The following RSPH14 variants were observed in gnomAD, a reference collection of about 807,000 sequenced individuals.
The protein encoded by RSPH14 is radial spoke head 14 homolog, also known as rhabdoid tumor deletion region gene 1.
A neutral mutation model predicts 26.7 loss-of-function variants in RSPH14; 20 were observed. The ratio of observed to expected loss-of-function variants is 0.75; its 90% CI spans 0.53 to 1.09. RSPH14 has a LOEUF of 1.09. Ranked by LOEUF, RSPH14 falls within the 50% of genes least tolerant of loss-of-function variation. The pLI is 0.00. For synonymous variants in RSPH14, 177 were observed against 189.3 expected, an observed-to-expected ratio of 0.93 and a Z score of 0.53; for missense variants, 449 against 457.2, an observed-to-expected ratio of 0.98 and a Z score of 0.16.
intron 4 of RSPH14, among the ~76,000 whole-genome samples, chr22:23,114,614 C>G (rs2069766436): frequency 6.6e-6 from 1 of 152,250 alleles, no homozygotes; most frequent in Admixed American, 6.5e-5. Context: ...TCACTTGTGC[C>G]TGGGTGTGGG....
the RSPH14 span, chr22:23,152,526 G>A: frequency 6.2e-7 from 1 of 1,614,084 alleles, no homozygotes; most frequent in Non-Finnish European, 8.5e-7. Context: ...CTCATCCACA[G>A]GTACAAGGCT....
At chr22:23,152,867 C>T in the RSPH14 span, among the ~76,000 whole-genome samples, 3 of 152,224 alleles carry the variant, frequency 2.0e-5, no homozygotes, top group Non-Finnish European at 4.4e-5. Context: ...CTCCCTTTCC[C>T]CACATTGTCC....
chr22:23,159,279 G>C, the RSPH14 span: 1 of 1,556,690 alleles, frequency 6.4e-7, no homozygotes, highest in African/African-American at 1.4e-5. Context: ...CTGTCACCAT[G>C]GTGGGGCAGA....
chr22:23,114,684 C>T (rs2069769695), intron 4 of RSPH14, among the ~76,000 whole-genome samples: 2 of 152,234 alleles, frequency 1.3e-5, no homozygotes, highest in African/African-American at 4.8e-5. Flanking sequence ...GGGAAGTATG[C>T]TTACATATTC....
In RSPH14 at chr22:23,061,904, A is replaced by T. The variant is rs757677516; in HGVS notation, c.695T>A (p.Val232Asp). The T allele has an allele frequency of 6.2e-7, 1 of 1,614,174 alleles. No homozygotes were observed. Among genetic ancestry groups the T allele is most frequent in the South Asian group, 1.1e-5 (1 of 91,082 alleles). ...EGKKQVCHFD[V>D]IPILVHLLKD... Reference sequence around the variant, plus strand: ...CAGCAGATGGACCAGGATGGGGATGACGTCAAAATGACACACCTGTTTCTT... The same window carrying T: ...CAGCAGATGGACCAGGATGGGGATGTCGTCAAAATGACACACCTGTTTCTT... The change falls in exon 6 of 7, where the codon GTC becomes GAC. Residue 232 changes from valine (V) to aspartate (D), a missense_variant. Physicochemically the swap from Val to Asp is radical, Grantham distance 152. Coordinates refer to ENST00000216036, the MANE Select transcript of RSPH14 (RefSeq NM_014433.3).
chr22:23,119,568 CCTT>C (rs1206442993), intron 4 of RSPH14, among the ~76,000 whole-genome samples: 2 of 152,238 alleles, frequency 1.3e-5, no homozygotes, highest in East Asian at 3.8e-4. Flanking sequence ...GGCCCTCTGA[CCTT>C]CTTTATAGCC....
At chr22:23,107,472 G>A (rs939918582) in intron 4 of RSPH14, among the ~76,000 whole-genome samples, 15 of 152,192 alleles carry the variant, frequency 9.9e-5, no homozygotes, top group Non-Finnish European at 1.3e-4. Flanking sequence ...GCCTGAGAGT[G>A]TCTGAGGACA....
At chr22:23,095,633 C>G in intron 4 of RSPH14, 1 of 1,534,568 alleles carries the variant, frequency 6.5e-7, no homozygotes, top group South Asian at 1.3e-5. Flanking sequence ...TCAGTGTCCC[C>G]TGTGGCAAGA....
In RSPH14 at chr22:23,138,938, A is replaced by C. The variant is rs2070534182; in HGVS notation, c.204T>G (p.Cys68Trp). Residue 68 changes from cysteine (C) to tryptophan (W), a missense_variant, in exon 3 of 7, where the codon TGT becomes TGG. Transcript: ENST00000216036. ...ECIYKAMNIG[C>W]MENLKALLKD... ...TCAGCAAAGCTTTCAGGTTCTCCAT[A>C]CAGCCTAGAAAAAAAAAAAAAAACA... 1.3e-6 allele frequency: 2 copies of C among 1,511,164 alleles called. No individual in the cohort carries two copies. Among genetic ancestry groups the C allele is most frequent in the Admixed American group, 2.1e-5 (1 of 46,560 alleles). The allele number at this position is 1,511,164 out of a possible 1,614,324, so 93.6% of individuals were successfully genotyped here. A position where few individuals can be genotyped will look rare whatever the true frequency, so the allele number is the denominator to read the frequency against.
At chr22:23,083,041 A>G (rs1210573734) in intron 4 of RSPH14, among the ~76,000 whole-genome samples, 3 of 152,156 alleles carry the variant, frequency 2.0e-5, no homozygotes, top group Middle Eastern at 6.8e-3. Flanking sequence ...GGCTCCAGGG[A>G]AGTTGGGAGA....
intron 4 of RSPH14, among the ~76,000 whole-genome samples, chr22:23,125,273 T>TC: frequency 6.6e-6 from 1 of 152,002 alleles, no homozygotes; most frequent in East Asian, 1.9e-4. Context: ...TGTGGAGGTC[T>TC]GGGGGTGATG....
At chr22:23,106,313 C>G (rs762453745) in intron 4 of RSPH14, among the ~76,000 whole-genome samples, 1 of 152,244 alleles carries the variant, frequency 6.6e-6, no homozygotes, top group Non-Finnish European at 1.5e-5. Flanking sequence ...CAGCAGCCAC[C>G]CACCTGCAGG....
chr22:23,179,236 G>A, the RSPH14 span, among the ~76,000 whole-genome samples: 3 of 152,226 alleles, frequency 2.0e-5, no homozygotes, highest in Non-Finnish European at 4.4e-5. Flanking sequence ...AGCACTTGGA[G>A]GCAGATGTGC....
rs766759297 is a variant in RSPH14 at position 23,136,821 on chromosome 22, G to A, written c.302+2019C>T. On this transcript the variant is annotated intron_variant, in intron 3 of 6. Transcript: ENST00000216036. The stretch of plus-strand genomic sequence containing the variant: ...GTAGGGAGGAAAAACCAGCAAGAAA[G>A]GTGACTTGACTCCTGTGTGCCCCTA... 6.5e-5 allele frequency among the ~76,000 whole-genome samples: 9 copies of A among 138,602 alleles called. 2 individuals carry two copies. Among genetic ancestry groups the A allele is most frequent in the Non-Finnish European group, 1.3e-4 (8 of 62,294 alleles). 90.9% of individuals were successfully genotyped at this position (138,602 alleles called of 152,430 possible).
chr22:23,143,756 T>C (rs2070645515), upstream of RSPH14, among the ~76,000 whole-genome samples: 1 of 152,100 alleles, frequency 6.6e-6, no homozygotes, highest in Admixed American at 6.5e-5. Flanking sequence ...CCAGTGTCAG[T>C]TTGGTTTCTA....
the RSPH14 span, among the ~76,000 whole-genome samples, chr22:23,174,974 AAAG>A: frequency 4.6e-5 from 7 of 151,102 alleles, no homozygotes; most frequent in Non-Finnish European, 8.8e-5. Flanking sequence ...TCTCAAAAAA[AAAG>A]AAAAAAAGAT....
At position 23,114,559 on chromosome 22, in the gene RSPH14, T is replaced by A. The variant is rs997743863; in HGVS notation, c.421+19467A>T. ...TCCTGTGGTGTGTCACCTGTCAGAG[T>A]TGTAGCTGGCCAGCACTATCTGCAG... On this transcript the variant is annotated intron_variant, in intron 4 of 6. Transcript: ENST00000216036. 8.5e-5 allele frequency among the ~76,000 whole-genome samples: 13 copies of A among 152,284 alleles called. 1 individual carries two copies. Among genetic ancestry groups the A allele is most frequent in the African/African-American group, 3.1e-4 (13 of 41,556 alleles).
chr22:23,162,521 G>T, the RSPH14 span: 2 of 415,126 alleles, frequency 4.8e-6, no homozygotes, highest in African/African-American at 4.0e-5. Flanking sequence ...GGACTTCAGA[G>T]GCCCTGCCAA....
intron 4 of RSPH14, among the ~76,000 whole-genome samples, chr22:23,087,576 G>T (rs1231633619): frequency 1.3e-5 from 2 of 152,254 alleles, no homozygotes; most frequent in East Asian, 3.8e-4. Flanking sequence ...AGCTGGCTGT[G>T]CAGGAGACCG....
Sources: allele counts gnomAD v4.1 joint callset (sites outside exome capture counted in the v4.1 genomes callset), GRCh38; gene constraint gnomAD v4.1.1; transcripts MANE v1.5; gene names NCBI Gene and HGNC (gene_info 2026-07-23, HGNC 2026-07-21).